ANKMY1: variants seen among roughly 807,000 people sequenced by gnomAD.
ANKMY1 encodes the protein ankyrin repeat and MYND domain-containing protein 1.
ANKMY1 carries 98 observed loss-of-function variants against 102.0 expected under a neutral mutation model. That is an observed-to-expected ratio of 0.96 (90% CI 0.82 to 1.14). The LOEUF (loss-of-function observed/expected upper bound fraction) is 1.14, where lower values mean the gene tolerates loss of function less well. Ranked by LOEUF, ANKMY1 falls within the 50% of genes most tolerant of loss-of-function variation. The probability of loss-of-function intolerance (pLI) is 0.00; values close to 1 mark genes in which losing one functional copy is unlikely to be tolerated. For synonymous variants in ANKMY1, 582 were observed against 559.9 expected (o/e 1.04, Z -0.56); for missense variants, 1,330 against 1,347.6 (o/e 0.99, Z 0.20).
At chr2:240,524,476 G>C in intron 7 of ANKMY1, 95 bp from the exon 8 acceptor site, 1 of 1,402,384 alleles carries the variant, frequency 7.1e-7, no homozygotes, top group Non-Finnish European at 9.6e-7. Flanking sequence ...CCGTGGCCTA[G>C]AGCTGTCTTC....
At chr2:240,560,726 C>G (rs747476568), upstream of ANKMY1, 1 of 1,522,922 alleles carries the variant, frequency 6.6e-7, no homozygotes, top group Non-Finnish European at 8.7e-7. Flanking sequence ...CCGCCTCGCC[C>G]GTACCTCCAC....
chr2:240,557,395 C>G, intron 1 of ANKMY1, 43 bp from the exon 2 acceptor site: 1 of 1,411,918 alleles, frequency 7.1e-7, no homozygotes, highest in Non-Finnish European at 9.3e-7. Flanking sequence ...CCAGGGCTCC[C>G]GCCGCGAACT....
chr2:240,560,977 C>T, upstream of ANKMY1: 2 of 1,527,120 alleles, frequency 1.3e-6, no homozygotes, highest in Non-Finnish European at 1.7e-6. Flanking sequence ...GCCGGCGGCG[C>T]CTGCCTAGTC....
chr2:240,546,444 T>G (rs1356505326), intron 4 of ANKMY1, among the ~76,000 whole-genome samples: 2 of 152,152 alleles, frequency 1.3e-5, no homozygotes, highest in African/African-American at 4.8e-5. Flanking sequence ...AGGAAGAAAC[T>G]GCATCAACTA....
chr2:240,550,084 T>C (rs2091221712), intron 4 of ANKMY1, among the ~76,000 whole-genome samples: 2 of 151,698 alleles, frequency 1.3e-5, no homozygotes, highest in Admixed American at 6.6e-5. Flanking sequence ...TATTGTGGCA[T>C]TATTCACAAT....
At chr2:240,516,717 G>A (rs545230604) in intron 9 of ANKMY1, among the ~76,000 whole-genome samples, 11 of 152,298 alleles carry the variant, frequency 7.2e-5, no homozygotes, top group African/African-American at 2.4e-4. Context: ...TCATGGAAAG[G>A]ACTATTGAAT....
At chr2:240,510,145 C>T in intron 11 of ANKMY1, among the ~76,000 whole-genome samples, 1 of 131,036 alleles carries the variant, frequency 7.6e-6, no homozygotes. Context: ...CTGCCCTCCT[C>T]CCCAATCCGT....
At chr2:240,541,450 T>C (rs555017686) in intron 4 of ANKMY1, among the ~76,000 whole-genome samples, 98 of 152,288 alleles carry the variant, frequency 6.4e-4, no homozygotes, top group Non-Finnish European at 1.2e-3. Context: ...ATTCAGAGTT[T>C]GCTGTTCAAT....
intron 5 of ANKMY1, chr2:240,527,720 CATGAATTGATGG>C (rs1275171699): frequency 1.3e-5 from 2 of 150,206 alleles, no homozygotes; most frequent in Non-Finnish European, 3.0e-5. Context: ...ATATTGCATG[CATGAATTGATGG>C]ATGAATGGAT....
intron 13 of ANKMY1, 139 bp downstream of exon 13, chr2:240,507,421 G>T: frequency 1.7e-6 from 1 of 590,204 alleles, no homozygotes; most frequent in Non-Finnish European, 2.0e-6. Context: ...GGGCCACCCA[G>T]CCCTTATACC....
At chr2:240,484,084 T>C (rs192467271) in intron 15 of ANKMY1, among the ~76,000 whole-genome samples, 6 of 152,330 alleles carry the variant, frequency 3.9e-5, no homozygotes, top group Admixed American at 2.6e-4. Context: ...TAGTCTATCA[T>C]TGATGGGCAT....
chr2:240,509,837 G>A (rs2079791514), intron 11 of ANKMY1, among the ~76,000 whole-genome samples: 1 of 151,978 alleles, frequency 6.6e-6, no homozygotes, highest in African/African-American at 2.4e-5. Context: ...CCTCCACCAG[G>A]GCTCAGTGAT....
intron 2 of ANKMY1, chr2:240,555,296 G>A: frequency 3.7e-6 from 2 of 545,358 alleles, no homozygotes; most frequent in Non-Finnish European, 6.6e-6. Flanking sequence ...GAGAGATGCT[G>A]CCAGGCTCTA....
chr2:240,542,085 G>A (rs1260970837), intron 4 of ANKMY1, among the ~76,000 whole-genome samples: 1 of 151,940 alleles, frequency 6.6e-6, no homozygotes, highest in Non-Finnish European at 1.5e-5. Flanking sequence ...GCGTTCGCCT[G>A]TAATCCCAGC....
intron 4 of ANKMY1, among the ~76,000 whole-genome samples, chr2:240,549,489 G>A (rs2091102922): frequency 6.6e-6 from 1 of 152,194 alleles, no homozygotes; most frequent in South Asian, 2.1e-4. Flanking sequence ...AAAAGCAATG[G>A]CAACAAAAGC....
chr2:240,481,243 C>T (rs2075345925), intron 16 of ANKMY1, 146 bp from the exon 17 acceptor site: 4 of 1,012,172 alleles, frequency 4.0e-6, no homozygotes, highest in African/African-American at 3.2e-5. Flanking sequence ...GCAGCCTTCA[C>T]ACACAGACAA....
chr2:240,512,974 G>GCACATTCT (rs778184910), intron 9 of ANKMY1, 32 bp from the exon 10 acceptor site: 4 of 1,600,552 alleles, frequency 2.5e-6, no homozygotes, highest in Non-Finnish European at 8.5e-7. Context: ...GGGCAGTGAG[G>GCACATTCT]CACATTCTCG....
chr2:240,510,456 C>G (rs1002588493), intron 11 of ANKMY1, among the ~76,000 whole-genome samples: 3 of 152,070 alleles, frequency 2.0e-5, no homozygotes, highest in Non-Finnish European at 4.4e-5. Context: ...CCTTCTCTTC[C>G]TCCTCTTCTC....
chr2:240,506,623 C>T lies in ANKMY1; in HGVS notation c.2526+937G>A, dbSNP rs1053389202. ...CTTCCCCTTCCAAATGCCTGGGTCTCGCCCCCCATTCCAGACGCCTGAGTC... is the reference window on the plus strand; with the variant it reads ...CTTCCCCTTCCAAATGCCTGGGTCTTGCCCCCCATTCCAGACGCCTGAGTC... On this transcript the variant is annotated intron_variant, in intron 13 of 17. Transcript: ENST00000401804. The surrounding 1 kb of genome is among the most constrained non-coding windows in gnomAD (Gnocchi z 4.9). 3.3e-5 allele frequency among the ~76,000 whole-genome samples: 5 copies of T among 152,042 alleles called. No individual in the cohort carries two copies. Among genetic ancestry groups the T allele is most frequent in the Admixed American group, 2.6e-4 (4 of 15,274 alleles).
Sources: allele counts gnomAD v4.1 joint callset (sites outside exome capture counted in the v4.1 genomes callset), GRCh38; gene constraint gnomAD v4.1.1; non-coding constraint Gnocchi (gnomAD v3.1); transcripts MANE v1.5; gene names NCBI Gene and HGNC (gene_info 2026-07-23, HGNC 2026-07-21).